The following SMG6 variants were observed in gnomAD, a reference collection of about 807,000 sequenced individuals.
SMG6 encodes telomerase-binding protein EST1A.
SMG6 carries 66 observed loss-of-function variants against 142.2 expected under a neutral mutation model. The observed-to-expected ratio is 0.46, with a 90% CI of 0.38 to 0.57. The LOEUF (loss-of-function observed/expected upper bound fraction) is 0.57, where lower values mean the gene tolerates loss of function less well. Among genes scored for constraint, SMG6 ranks in the 20% least tolerant of loss-of-function variants. The probability of loss-of-function intolerance (pLI) is 0.00; values close to 1 mark genes in which losing one functional copy is unlikely to be tolerated. For synonymous variants in SMG6, 779 were observed against 702.4 expected (o/e 1.11, Z -1.72); for missense variants, 1,793 against 1,832.0 (o/e 0.98, Z 0.39).
chr17:2,112,548 TAA>T (rs2069368958), intron 13 of SMG6, among the ~76,000 whole-genome samples: 10 of 147,884 alleles, frequency 6.8e-5, no homozygotes, highest in Non-Finnish European at 1.2e-4. Flanking sequence ...AATAAATAAA[TAA>T]ATAAATAAAT....
At chr17:2,158,385 C>T (rs148474922) in intron 13 of SMG6, among the ~76,000 whole-genome samples, 226 of 152,226 alleles carry the variant, frequency 1.5e-3, no homozygotes, top group Non-Finnish European at 2.5e-3. Flanking sequence ...GATAAGCATT[C>T]ACTACAAATG....
At chr17:2,132,025 T>G (rs1021678241) in intron 13 of SMG6, among the ~76,000 whole-genome samples, 4 of 151,556 alleles carry the variant, frequency 2.6e-5, no homozygotes, top group African/African-American at 9.7e-5. Context: ...TGAGCCAAGA[T>G]GGCACCACTG....
chr17:2,149,043 G>A lies in SMG6; in HGVS notation c.3357+23615C>T, dbSNP rs189758015. Among the ~76,000 whole-genome samples the A allele has an allele frequency of 9.2e-5, 14 of 152,054 alleles. No homozygotes were observed. The East Asian group carries it at 1.4e-3, about 15-fold the overall frequency. ...TGAATGTACTTAATGCTGTAGAACC[G>A]TACATTTAAAAAACTGGTTAAAATG... is the stretch of plus-strand genomic sequence containing the variant. On this transcript the variant is annotated intron_variant, in intron 13 of 18. Transcript: ENST00000263073.
chr17:2,235,280 A>G (rs541676429), intron 10 of SMG6, among the ~76,000 whole-genome samples: 1 of 152,318 alleles, frequency 6.6e-6, no homozygotes, highest in East Asian at 1.9e-4. Flanking sequence ...TGGGAATTCT[A>G]AACGCTGTAG....
At chr17:2,079,512 T>C (rs1448806073) in intron 15 of SMG6, among the ~76,000 whole-genome samples, 1 of 151,782 alleles carries the variant, frequency 6.6e-6, no homozygotes. Context: ...GGTGCATGCC[T>C]GTAATCCCAG....
chr17:2,230,222 G>A (rs74479087), intron 10 of SMG6, among the ~76,000 whole-genome samples: 20,593 of 28,868 alleles, frequency 0.71, 7,848 homozygotes, highest in Middle Eastern at 0.85. Context: ...AAAAAAAAAA[G>A]GAAAAGAAAG....
At chr17:2,107,792 C>T (rs911708523) in intron 13 of SMG6, among the ~76,000 whole-genome samples, 4 of 152,140 alleles carry the variant, frequency 2.6e-5, no homozygotes, top group Non-Finnish European at 4.4e-5. Context: ...CATGGGACTG[C>T]GTGCCAGGGC....
intron 12 of SMG6, among the ~76,000 whole-genome samples, chr17:2,182,885 G>C (rs2071849614): frequency 6.8e-6 from 1 of 146,792 alleles, no homozygotes; most frequent in African/African-American, 2.5e-5. Flanking sequence ...AGAGGGAAAC[G>C]AGAAATGGCC....
chr17:2,173,663 C>G lies in SMG6; in HGVS notation c.3156-804G>C, dbSNP rs962578942. Among the ~76,000 whole-genome samples the G allele has an allele frequency of 2.6e-5, 4 of 152,128 alleles. No individual in the cohort carries two copies. In the South Asian group the frequency reaches 6.2e-4, roughly 24 times the overall value. ...CTGGGATGGCTGGCTGTCCTAATTGCGTATCACCAGGTCCTGGCTGAACCT... is the reference window on the plus strand; with the variant it reads ...CTGGGATGGCTGGCTGTCCTAATTGGGTATCACCAGGTCCTGGCTGAACCT... On this transcript the variant is annotated intron_variant, in intron 12 of 18. Transcript: ENST00000263073.
rs181877423 is a variant in SMG6 at position 2,298,935 on chromosome 17, C to T, written c.1818G>A (p.Pro606=). The T allele has an allele frequency of 2.5e-6, 4 of 1,613,940 alleles. No individual in the cohort carries two copies. The highest frequency in any genetic ancestry group is 2.2e-5 in the East Asian group (1 of 44,878). The change falls in exon 2 of 19, where the codon CCG becomes CCA. Residue 606 remains proline (P), a synonymous_variant. Coordinates refer to ENST00000263073, the MANE Select transcript of SMG6 (RefSeq NM_017575.5). Reference sequence around the variant, plus strand: ...GTTGCGCCATCTTCTCCAGGCCCTCCGGACTGATGCGGTCCCTGGAGAGCA... The same window carrying T: ...GTTGCGCCATCTTCTCCAGGCCCTCTGGACTGATGCGGTCCCTGGAGAGCA... ...SNLLSRDRIS[P]EGLEKMAQLR...
chr17:2,196,161 C>T (rs1380773994), intron 10 of SMG6, among the ~76,000 whole-genome samples: 1 of 152,212 alleles, frequency 6.6e-6, no homozygotes, highest in Non-Finnish European at 1.5e-5. Flanking sequence ...TGACTCAACG[C>T]CTGTAAACCC....
intron 10 of SMG6, among the ~76,000 whole-genome samples, chr17:2,228,995 A>G (rs2073394433): frequency 6.6e-6 from 1 of 152,114 alleles, no homozygotes; most frequent in African/African-American, 2.4e-5. Context: ...TAAGAAAAGC[A>G]TGTGAGAGGC....
At chr17:2,250,169 G>GC (rs1385675520) in intron 8 of SMG6, among the ~76,000 whole-genome samples, 1 of 152,160 alleles carries the variant, frequency 6.6e-6, no homozygotes, top group African/African-American at 2.4e-5. Flanking sequence ...AGGCAACAAC[G>GC]CAAGAGGAGG....
At chr17:2,211,859 C>T (rs764228133) in intron 10 of SMG6, among the ~76,000 whole-genome samples, 54 of 152,118 alleles carry the variant, frequency 3.5e-4, no homozygotes, top group Non-Finnish European at 6.5e-4. Context: ...GGGATCCCCA[C>T]ATCCACATCT....
At position 2,292,872 on chromosome 17, in the gene SMG6, T is replaced by C. The variant is rs1396476823; in HGVS notation, c.2257A>G (p.Ser753Gly). ...ATAACGAAGCAGAGGTAAAAGTACC[T>C]GCGTGCTTTCCCATAATTCGCTGTA... is the stretch of plus-strand genomic sequence containing the variant. The part of the protein sequence containing the change: ...SDTANYGKAR[S>G]WYLKAQHIAP... The change falls in exon 5 of 19, where the codon AGT becomes GGT. Residue 753 changes from serine to glycine, a missense_variant and splice_region_variant. This residue lies in a region of SMG6 where 1,597 missense variants were observed against 1,584.6 expected (regional missense o/e 1.01). Transcript: ENST00000263073. 6.2e-7 allele frequency: 1 copy of C among 1,612,168 alleles called. No homozygotes were observed. Among genetic ancestry groups the C allele is most frequent in the Non-Finnish European group, 8.5e-7 (1 of 1,178,324 alleles).
At chr17:2,103,775 G>C (rs2069076974) in intron 13 of SMG6, among the ~76,000 whole-genome samples, 1 of 152,096 alleles carries the variant, frequency 6.6e-6, no homozygotes, top group Admixed American at 6.5e-5. Flanking sequence ...CCCTATAGGA[G>C]ACTGAGCACA....
At chr17:2,127,112 C>A (rs554864143) in intron 13 of SMG6, among the ~76,000 whole-genome samples, 8 of 140,928 alleles carry the variant, frequency 5.7e-5, no homozygotes, top group Non-Finnish European at 1.1e-4. Context: ...GCACTCCAGC[C>A]TGGGCAACAC....
intron 13 of SMG6, among the ~76,000 whole-genome samples, chr17:2,111,618 G>T (rs1365687804): frequency 6.6e-6 from 1 of 152,138 alleles, no homozygotes; most frequent in African/African-American, 2.4e-5. Context: ...TGCCCAGACT[G>T]GCCTTGAACT....
intron 13 of SMG6, among the ~76,000 whole-genome samples, chr17:2,093,333 G>A (rs77717411): frequency 0.024 from 3,675 of 152,248 alleles, 71 homozygotes; most frequent in South Asian, 0.068. Flanking sequence ...TGAGGTAGGA[G>A]GATTGCTTGA....
Sources: gnomAD v4.1 joint callset for allele counts (sites outside exome capture counted in the v4.1 genomes callset) on GRCh38, gnomAD v4.1.1 for gene constraint, gnomAD v4.1.1 regional missense constraint, MANE v1.5 for transcripts, NCBI Gene and HGNC (gene_info 2026-07-23, HGNC 2026-07-21) for gene names.